Variants in MYOM2 observed in about 807,000 individuals in gnomAD.
The protein encoded by MYOM2 is myomesin 2.
A neutral mutation model predicts 187.6 loss-of-function variants in MYOM2; 254 were observed. The observed-to-expected ratio is 1.35, with a 90% confidence interval of 1.22 to 1.50. The LOEUF (loss-of-function observed/expected upper bound fraction) is 1.50, where lower values mean the gene tolerates loss of function less well. MYOM2 is among the 40% of genes most tolerant of loss of function. MYOM2 has a pLI of 0.00. For synonymous variants in MYOM2, 981 were observed against 753.8 expected (o/e 1.30, Z -4.94); for missense variants, 2,796 against 1,924.0 (o/e 1.45, Z -8.48).
intron 32 of MYOM2, among the ~76,000 whole-genome samples, chr8:2,130,175 G>A (rs73169431): frequency 0.13 from 13,887 of 108,930 alleles, 1,056 homozygotes; most frequent in East Asian, 0.29. Flanking sequence ...CCCTCACTAC[G>A]CTCTACCCAG....
chr8:2,123,964 T>C (rs1444948742), intron 30 of MYOM2, among the ~76,000 whole-genome samples: 2 of 152,242 alleles, frequency 1.3e-5, no homozygotes, highest in African/African-American at 2.4e-5. Context: ...GTTGGATTTA[T>C]GTTGAGTAAA....
rs148101307 is a variant in MYOM2, at chr8:2,106,387, C to G, written c.2880C>G (p.Thr960=). 1.8e-5 allele frequency: 29 copies of G among 1,613,822 alleles called. No individual in the cohort carries two copies. The highest frequency in any genetic ancestry group is 2.5e-5 in the Non-Finnish European group (29 of 1,179,882). ...ATGATGAGAGGTTTAAAATTGAAAC[C>G]GTGGGGGATCAGTAAGTGAGGCCTG... ...ISDDERFKIE[T]VGDHSKLYLK... The change falls in exon 22 of 37, where the codon ACC becomes ACG. Residue 960 remains threonine (T), a synonymous_variant. Coordinates refer to ENST00000262113, the MANE Select transcript of MYOM2 (RefSeq NM_003970.4).
intron 9 of MYOM2, 23 bp downstream of exon 9, chr8:2,072,532 C>T: frequency 6.2e-7 from 1 of 1,603,990 alleles, no homozygotes; most frequent in South Asian, 1.1e-5. Context: ...CGGCCCAGAC[C>T]CGGGCACACA....
intron 23 of MYOM2, among the ~76,000 whole-genome samples, chr8:2,107,549 G>T (rs1356866255): frequency 1.3e-5 from 2 of 152,072 alleles, no homozygotes; most frequent in African/African-American, 4.8e-5. Flanking sequence ...ATCCACGGAG[G>T]GGGAAGCCAG....
chr8:2,071,270 C>T (rs1267132250), intron 8 of MYOM2, among the ~76,000 whole-genome samples: 1 of 152,130 alleles, frequency 6.6e-6, no homozygotes, highest in Non-Finnish European at 1.5e-5. Context: ...GCTGGGATTA[C>T]AGGCATGAGC....
intron 31 of MYOM2, among the ~76,000 whole-genome samples, chr8:2,124,762 TTG>T (rs1797579568): frequency 6.6e-6 from 1 of 152,162 alleles, no homozygotes; most frequent in African/African-American, 2.4e-5. Context: ...GTTTTATCTT[TTG>T]TCTTTTTGAT....
rs1019639454 is a variant in MYOM2, at chr8:2,090,298, G to A, written c.1828+107G>A. ...AAGACATTAATGTTATAAACGAGTT[G>A]AAGTTCAAGTGGACTTAAAACTTCA... On this transcript the variant is annotated intron_variant, in intron 15 of 36. Coordinates refer to ENST00000262113, the MANE Select transcript of MYOM2 (RefSeq NM_003970.4). 5.4e-6 allele frequency: 6 copies of A among 1,112,880 alleles called. No individual in the cohort carries two copies. In the African/African-American group the frequency reaches 9.5e-5, roughly 18 times the overall value. 68.9% of individuals were successfully genotyped at this position (1,112,880 alleles called of 1,614,324 possible).
chr8:2,102,879 G>C lies in MYOM2; in HGVS notation c.2734+98G>C, dbSNP rs1054028595. 8.3e-6 allele frequency: 8 copies of C among 959,188 alleles called. No individual in the cohort carries two copies. In the Admixed American group the frequency reaches 1.6e-4, roughly 20 times the overall value. 59.4% of individuals were successfully genotyped at this position (959,188 alleles called of 1,614,324 possible). On this transcript the variant is annotated intron_variant, in intron 21 of 36. Coordinates refer to ENST00000262113, the MANE Select transcript of MYOM2 (RefSeq NM_003970.4). The stretch of plus-strand genomic sequence containing the variant: ...GATGAGGGTGTGTGGATAAATGAGT[G>C]GGAGAGTGAACACGTGTTATGTGTG...
intron 28 of MYOM2, 26 bp downstream of exon 28, chr8:2,117,978 A>G (rs778844211): frequency 4.4e-6 from 7 of 1,602,508 alleles, no homozygotes; most frequent in South Asian, 3.3e-5. Flanking sequence ...CTAACAGGAA[A>G]ACAATAAATC....
intron 23 of MYOM2, 29 bp downstream of exon 23, chr8:2,106,626 G>C: frequency 6.6e-7 from 1 of 1,511,306 alleles, no homozygotes; most frequent in East Asian, 2.3e-5. Context: ...AACCTTGCCT[G>C]TTTTGGTTTT....
chr8:2,094,038 G>A lies in MYOM2; in HGVS notation c.2072G>A (p.Gly691Glu), dbSNP rs754915537. Residue 691 changes from glycine (G) to glutamate (E), a missense_variant, in exon 17 of 37, where the codon GGG becomes GAG. By Grantham distance (98) the Gly-to-Glu change is moderately conservative (BLOSUM62 -2). Coordinates refer to ENST00000262113, the MANE Select transcript of MYOM2 (RefSeq NM_003970.4). ...CGAGTCAAGGCGGTCAATGCTGTGG[G>A]GATGAGTGAAAATTCCCAGGAATCA... ...IFRVKAVNAV[G>E]MSENSQESDV... The A allele has an allele frequency of 4.3e-6, 7 of 1,614,140 alleles. No individual in the cohort carries two copies. In the South Asian group the frequency reaches 7.7e-5, roughly 18 times the overall value.
chr8:2,141,140 G>T lies in MYOM2; in HGVS notation c.3965-1G>T, dbSNP rs1320413179. On this transcript the variant is annotated splice_acceptor_variant, in intron 33 of 36. Transcript: ENST00000262113. LOFTEE classifies it high-confidence loss of function. The stretch of plus-strand genomic sequence containing the variant: ...GTAACGTATGAACTATTTCCTCACA[G>T]CTTTTGATGAAGCATTTGCAGAATT... The T allele has an allele frequency of 1.9e-6, 3 of 1,611,658 alleles. No individual in the cohort carries two copies. In the African/African-American group the frequency reaches 4.0e-5, roughly 22 times the overall value.
rs1819341289 is a variant in MYOM2, at chr8:2,074,365, C to G, written c.1120+865C>G. ...AGCTCAGATTTAAATTTTGCTGGAGCCTGGAACCTGAGTTCCTGTTATAAC... is the reference window on the plus strand; with the variant it reads ...AGCTCAGATTTAAATTTTGCTGGAGGCTGGAACCTGAGTTCCTGTTATAAC... On this transcript the variant is annotated intron_variant, in intron 10 of 36. Coordinates refer to ENST00000262113, the MANE Select transcript of MYOM2 (RefSeq NM_003970.4). Among the ~76,000 whole-genome samples the G allele has an allele frequency of 2.0e-5, 3 of 152,186 alleles. No homozygotes were observed. In the South Asian group the frequency reaches 6.2e-4, roughly 32 times the overall value.
At chr8:2,054,765 C>G (rs1159748959) in intron 3 of MYOM2, among the ~76,000 whole-genome samples, 5 of 152,202 alleles carry the variant, frequency 3.3e-5, no homozygotes, top group Admixed American at 2.6e-4. Flanking sequence ...TCTTCTCGAT[C>G]CCTGCAATTT....
At chr8:2,100,778 G>A (rs1244992331) in intron 19 of MYOM2, 98 bp from the exon 20 acceptor site, 3 of 1,177,332 alleles carry the variant, frequency 2.5e-6, no homozygotes, top group Middle Eastern at 2.2e-4. Flanking sequence ...CTGGTGGGGG[G>A]CTTCCCAGAG....
intron 3 of MYOM2, 63 bp downstream of exon 3, chr8:2,052,376 G>C (rs1017769236): frequency 1.3e-6 from 2 of 1,493,496 alleles, no homozygotes; most frequent in Non-Finnish European, 1.8e-6. Context: ...GAGGGACAGT[G>C]GGGTGAGGAG....
chr8:2,065,903 C>A (rs575801040), intron 6 of MYOM2, among the ~76,000 whole-genome samples: 2 of 152,138 alleles, frequency 1.3e-5, no homozygotes, highest in Non-Finnish European at 1.5e-5. Flanking sequence ...CTAAAACACA[C>A]GGAGGAAGAA....
chr8:2,074,956 G>T (rs1013450340), intron 10 of MYOM2, among the ~76,000 whole-genome samples: 1 of 152,212 alleles, frequency 6.6e-6, no homozygotes, highest in African/African-American at 2.4e-5. Context: ...CCGATCAGCC[G>T]GGCATCCTTA....
intron 32 of MYOM2, among the ~76,000 whole-genome samples, chr8:2,134,368 G>C (rs1797990601): frequency 6.6e-6 from 1 of 152,196 alleles, no homozygotes; most frequent in Non-Finnish European, 1.5e-5. Context: ...CTCCGTTTTA[G>C]CTGGAATACA....
Sources: allele counts gnomAD v4.1 joint callset (sites outside exome capture counted in the v4.1 genomes callset), GRCh38; gene constraint gnomAD v4.1.1; transcripts MANE v1.5; gene names NCBI Gene and HGNC (gene_info 2026-07-23, HGNC 2026-07-21).